Variants in DHX29 observed in about 807,000 individuals in gnomAD.
The protein encoded by DHX29 is DExH-box helicase 29, also known as ATP-dependent RNA helicase DHX29.
Under a neutral mutation model 167.9 loss-of-function variants are expected in DHX29, and 79 were observed. The observed-to-expected ratio is 0.47, with a 90% CI of 0.39 to 0.57. The LOEUF (loss-of-function observed/expected upper bound fraction) is 0.57. Ranked by LOEUF, DHX29 falls within the 20% of genes least tolerant of loss-of-function variation. The pLI, the probability that DHX29 is intolerant of heterozygous loss-of-function variation, is 0.00. For synonymous variants in DHX29, 530 were observed against 546.0 expected (o/e 0.97, Z 0.41); for missense variants, 1,347 against 1,593.4 (o/e 0.85, Z 2.63).
chr5:55,285,581 A>G (rs532153820), intron 9 of DHX29, 115 bp downstream of exon 9: 1 of 1,272,166 alleles, frequency 7.9e-7, no homozygotes, highest in South Asian at 1.7e-5. Flanking sequence ...CCTGAGATGT[A>G]GAATTGAGAG....
intron 1 of DHX29, among the ~76,000 whole-genome samples, chr5:55,303,808 G>C (rs13173610): frequency 0.026 from 3,920 of 152,044 alleles, 163 homozygotes; most frequent in Admixed American, 0.11. Flanking sequence ...AACCAAAATA[G>C]ACCCTCCATT....
intron 12 of DHX29, 98 bp from the exon 13 acceptor site, chr5:55,277,380 C>A: frequency 1.3e-6 from 1 of 765,504 alleles, no homozygotes; most frequent in Non-Finnish European, 2.0e-6. Context: ...AAAAGTTATT[C>A]AATATCTAAG....
intron 1 of DHX29, among the ~76,000 whole-genome samples, chr5:55,298,898 C>T (rs1268639927): frequency 6.6e-5 from 10 of 151,080 alleles, no homozygotes; most frequent in African/African-American, 1.7e-4. Flanking sequence ...GGCGCGGTGG[C>T]GGGCGCCTGT....
In DHX29 at chr5:55,289,446, T is replaced by C; in HGVS notation, c.908-18A>G. ...TTCCATTTCTACCAAGAAAAAAATA[T>C]AATGTTTAGTTTCATGGTTTTAAAA... On this transcript the variant is annotated intron_variant, in intron 7 of 26. Coordinates refer to ENST00000251636, the MANE Select transcript of DHX29 (RefSeq NM_019030.4). 2 of 1,511,112 alleles carry C rather than the reference T, an allele frequency of 1.3e-6. No homozygotes were observed. The highest frequency in any genetic ancestry group is 2.6e-5 in the Admixed American group (1 of 38,648). 93.6% of individuals were successfully genotyped at this position (1,511,112 alleles called of 1,614,324 possible). A position where few individuals can be genotyped will look rare whatever the true frequency, so the allele number is the denominator to read the frequency against.
In DHX29 at chr5:55,256,165, T is replaced by A; in HGVS notation, c.*323A>T. 5.8e-6 allele frequency: 1 copy of A among 173,410 alleles called. No homozygotes were observed. Among genetic ancestry groups the A allele is most frequent in the Non-Finnish European group, 1.2e-5 (1 of 82,214 alleles). 10.7% of individuals were successfully genotyped at this position (173,410 alleles called of 1,614,324 possible). A position where few individuals can be genotyped will look rare whatever the true frequency, so the allele number is the denominator to read the frequency against. On this transcript the variant is annotated 3_prime_UTR_variant, in exon 27 of 27. Transcript: ENST00000251636. ...AAGGACTGATAGGGGATGAGGCAGC[T>A]ACACAGGGAATCACAACATTAAGCT... is the stretch of plus-strand genomic sequence containing the variant.
intron 2 of DHX29, among the ~76,000 whole-genome samples, chr5:55,297,674 G>A (rs1009723804): frequency 1.3e-5 from 2 of 152,068 alleles, no homozygotes; most frequent in Non-Finnish European, 2.9e-5. Flanking sequence ...ACCACCCTTG[G>A]GTTGCTGTCA....
In DHX29 at chr5:55,283,325, G is replaced by C. The variant is rs753689640; in HGVS notation, c.1843C>G (p.Leu615Val). The change falls in exon 11 of 27, where the codon CTA becomes GTA. Residue 615 changes from leucine (L) to valine (V), a missense_variant. Transcript: ENST00000251636. ...CATTTACTTGCTTCCCACTCATTTA[G>C]AAGCAAATCTTCCAATAGAAAATGT... ...VPHFLLEDLL[L>V]NEWEASKCNI... 2.5e-6 allele frequency: 4 copies of C among 1,614,132 alleles called. No homozygotes were observed. The highest frequency in any genetic ancestry group is 3.4e-6 in the Non-Finnish European group (4 of 1,180,016).
intron 11 of DHX29, among the ~76,000 whole-genome samples, chr5:55,282,319 T>C (rs1028186526): frequency 9.2e-5 from 14 of 152,198 alleles, no homozygotes; most frequent in African/African-American, 3.1e-4. Flanking sequence ...GCTAGTATCA[T>C]ACTAGGAGTG....
chr5:55,304,266 T>C (rs184068261), intron 1 of DHX29, among the ~76,000 whole-genome samples: 56 of 151,928 alleles, frequency 3.7e-4, no homozygotes, highest in African/African-American at 1.2e-3. Flanking sequence ...CCCAGTCATC[T>C]GTGTAACTAC....
intron 20 of DHX29, 101 bp downstream of exon 20, chr5:55,270,311 T>G (rs780430682): frequency 1.5e-6 from 2 of 1,320,696 alleles, no homozygotes; most frequent in African/African-American, 3.0e-5. Flanking sequence ...AGTAAAAAAG[T>G]TGAAAATCTA....
intron 25 of DHX29, among the ~76,000 whole-genome samples, 161 bp from the exon 26 acceptor site, chr5:55,260,105 T>C (rs1231367883): frequency 1.3e-5 from 2 of 152,242 alleles, no homozygotes; most frequent in African/African-American, 2.4e-5. Context: ...TAGCTAGGCA[T>C]GCAAACCTGT....
At chr5:55,256,606 C>T (rs1214423816) in intron 26 of DHX29, 66 bp from the exon 27 acceptor site, 1 of 1,479,844 alleles carries the variant, frequency 6.8e-7, no homozygotes, top group African/African-American at 1.4e-5. Context: ...AAGGTATGCA[C>T]ATGTAAATAA....
intron 21 of DHX29, among the ~76,000 whole-genome samples, chr5:55,268,217 C>A (rs1419643815): frequency 1.3e-5 from 2 of 152,104 alleles, no homozygotes; most frequent in African/African-American, 2.4e-5. Context: ...GCCTCAAGAC[C>A]ACTGAATTTC....
intron 1 of DHX29, among the ~76,000 whole-genome samples, chr5:55,305,345 G>A (rs1229210322): frequency 6.6e-6 from 1 of 152,120 alleles, no homozygotes; most frequent in Non-Finnish European, 1.5e-5. Flanking sequence ...AGAAAAACAT[G>A]GCAAGAATAA....
chr5:55,269,661 A>C (rs1746754919), intron 20 of DHX29, 24 bp from the exon 21 acceptor site: 1 of 1,582,902 alleles, frequency 6.3e-7, no homozygotes, highest in Non-Finnish European at 8.7e-7. Flanking sequence ...AAGCAATAAA[A>C]TTGGTATGAA....
rs10040458 is a variant in DHX29 at position 55,282,016 on chromosome 5, C to T, written c.1966-501G>A. Among the ~76,000 whole-genome samples the T allele has an allele frequency of 5.8e-3, 888 of 152,062 alleles. 4 individuals carry two copies. The highest frequency in any genetic ancestry group is 9.4e-3 in the Non-Finnish European group (639 of 67,984). ...GGCCAGGCTGGCCTCGAACTCCTGA[C>T]CTCAGGTGATCCCCCCGCCTCAGCC... On this transcript the variant is annotated intron_variant, in intron 11 of 26. Transcript: ENST00000251636.
Position 55,307,666 on chromosome 5 carries a change from G to GAGGAGTTTTAA in DHX29, c.-94_-93insTTAAAACTCCT. 1 of 1,474,876 alleles carries GAGGAGTTTTAA rather than the reference G, an allele frequency of 6.8e-7. No homozygotes were observed. Among genetic ancestry groups the GAGGAGTTTTAA allele is most frequent in the Non-Finnish European group, 9.2e-7 (1 of 1,086,632 alleles). 91.4% of individuals were successfully genotyped at this position (1,474,876 alleles called of 1,614,324 possible). ...CTTCACATTCCCCGGCTCCGGGGCTGCCACCCTGCGCTTCGATCCGGGCTT... is the reference window on the plus strand; with the variant it reads ...CTTCACATTCCCCGGCTCCGGGGCTGAGGAGTTTTAACCACCCTGCGCTTCGATCCGGGCTT... On this transcript the variant is annotated 5_prime_UTR_variant, in exon 1 of 27. Coordinates refer to ENST00000251636, the MANE Select transcript of DHX29 (RefSeq NM_019030.4).
chr5:55,273,841 C>G (rs1274730453), intron 16 of DHX29, among the ~76,000 whole-genome samples: 7 of 152,072 alleles, frequency 4.6e-5, no homozygotes, highest in African/African-American at 1.7e-4. Context: ...AATCCCAGCA[C>G]TTTGGGAGGC....
chr5:55,282,660 G>A (rs1003273463), intron 11 of DHX29, among the ~76,000 whole-genome samples: 17 of 151,988 alleles, frequency 1.1e-4, no homozygotes, highest in Admixed American at 3.3e-4. Context: ...ATACTTTGCC[G>A]TCACTCTGGT....
Sources: allele counts gnomAD v4.1 joint callset (sites outside exome capture counted in the v4.1 genomes callset), GRCh38; gene constraint gnomAD v4.1.1; transcripts MANE v1.5; gene names NCBI Gene and HGNC (gene_info 2026-07-23, HGNC 2026-07-21).